The following CENPI variants were observed in gnomAD, a reference collection of about 807,000 sequenced individuals.
The protein encoded by CENPI is centromere protein I.
Under a neutral mutation model 60.4 loss-of-function variants are expected in CENPI, and 4 were observed. The observed-to-expected ratio is 0.07, with a 90% CI of 0.03 to 0.15. The LOEUF is 0.15. Among genes scored for constraint, CENPI ranks in the 10% least tolerant of loss-of-function variants. The probability of loss-of-function intolerance (pLI) is 1.00; values close to 1 mark genes in which losing one functional copy is unlikely to be tolerated. For synonymous variants in CENPI, 157 were observed against 189.4 expected (o/e 0.83, Z 1.40); for missense variants, 444 against 534.5 (o/e 0.83, Z 1.67).
intron 11 of CENPI, among the ~76,000 whole-genome samples, 167 bp downstream of exon 11, chrX:101,127,832 A>G (rs73553162): frequency 0.21 from 22,963 of 110,310 alleles, 1,885 homozygotes; most frequent in South Asian, 0.34. Context: ...GGCTTATGTG[A>G]TCCTCCCACC....
intron 15 of CENPI, among the ~76,000 whole-genome samples, chrX:101,137,601 G>A (rs7059563): frequency 0.018 from 2,018 of 111,536 alleles, 41 homozygotes; most frequent in African/African-American, 0.063. Context: ...AAAAAACATT[G>A]ATAGAATATG....
At chrX:101,175,301 T>C in the CENPI span, among the ~76,000 whole-genome samples, 1 of 112,328 alleles carries the variant, frequency 8.9e-6, no homozygotes, top group Non-Finnish European at 1.9e-5. Context: ...TCCTTTGCTG[T>C]GCAACAGCTT....
chrX:101,102,865 T>C (rs1211068584), intron 4 of CENPI, among the ~76,000 whole-genome samples: 2 of 104,681 alleles, frequency 1.9e-5, no homozygotes, highest in African/African-American at 7.0e-5. Flanking sequence ...ATTTTTTTTT[T>C]TTTTTTAGTA....
chrX:101,118,711 A>G (rs1255347697), intron 6 of CENPI, among the ~76,000 whole-genome samples: 5 of 112,210 alleles, frequency 4.5e-5, no homozygotes, highest in African/African-American at 1.6e-4. Flanking sequence ...CAGATTTCCT[A>G]TAATAATGGA....
chrX:101,119,273 A>T (rs1449757000), intron 6 of CENPI, among the ~76,000 whole-genome samples: 3 of 112,558 alleles, frequency 2.7e-5, no homozygotes, highest in Non-Finnish European at 5.6e-5. Flanking sequence ...CAGAAGAGGC[A>T]GTATGGAATA....
chrX:101,128,917 G>T (rs1309347690), intron 12 of CENPI, 81 bp downstream of exon 12: 5 of 788,086 alleles, frequency 6.3e-6, no homozygotes, highest in African/African-American at 2.0e-5. Context: ...GACAGCAGGA[G>T]CCTTCATATG....
At chrX:101,175,074 T>A in the CENPI span, among the ~76,000 whole-genome samples, 1 of 112,051 alleles carries the variant, frequency 8.9e-6, no homozygotes, top group Non-Finnish European at 1.9e-5. Flanking sequence ...GCCATTGCAC[T>A]CCAGCCTGGG....
At chrX:101,137,090 T>G (rs1047000837) in intron 15 of CENPI, among the ~76,000 whole-genome samples, 1 of 110,741 alleles carries the variant, frequency 9.0e-6, no homozygotes, top group Non-Finnish European at 1.9e-5. Context: ...TTTTTAAAGT[T>G]TTTGTAGAGA....
Position 101,128,791 on chromosome X carries a change from G to A in CENPI, c.1150G>A (p.Val384Ile), listed in dbSNP as rs764287774. 8.3e-7 allele frequency: 1 copy of A among 1,209,689 alleles called. No homozygotes were observed. Among genetic ancestry groups the A allele is most frequent in the Non-Finnish European group, 1.1e-6 (1 of 893,589 alleles). The part of the protein sequence containing the change: ...HYINCVRDEP[V>I]LLRFYYWLSQ... ...CATTAACTGTGTCAGAGATGAGCCAGTCTTGCTGAGGTTTTATTACTGGTT... is the reference window on the plus strand; with the variant it reads ...CATTAACTGTGTCAGAGATGAGCCAATCTTGCTGAGGTTTTATTACTGGTT... Residue 384 changes from valine to isoleucine, a missense_variant, in exon 12 of 22, where the codon GTC becomes ATC. Coordinates refer to ENST00000682095, the MANE Select transcript of CENPI (RefSeq NM_001386188.2).
chrX:101,158,339 G>T (rs772308436), intron 20 of CENPI, among the ~76,000 whole-genome samples: 1 of 97,695 alleles, frequency 1.0e-5, no homozygotes, highest in East Asian at 3.3e-4. Flanking sequence ...GTGCAATGGC[G>T]CAATCTCCGC....
intron 15 of CENPI, among the ~76,000 whole-genome samples, chrX:101,134,055 T>C (rs2089823387): frequency 8.9e-6 from 1 of 111,805 alleles, no homozygotes; most frequent in Non-Finnish European, 1.9e-5. Flanking sequence ...TTTGTTTGTT[T>C]TGCCTCTAAA....
chrX:101,157,902 G>A (rs76652234), intron 20 of CENPI, among the ~76,000 whole-genome samples: 82 of 110,381 alleles, frequency 7.4e-4, no homozygotes, highest in African/African-American at 2.5e-3. Context: ...AACTTATTCC[G>A]TCTATCTGAC....
intron 5 of CENPI, 148 bp downstream of exon 5, chrX:101,109,739 A>G (rs918130467): frequency 1.0e-4 from 60 of 578,382 alleles, no homozygotes; most frequent in Non-Finnish European, 1.4e-4. Flanking sequence ...ACTATGTTCA[A>G]ACAGAAATTT....
At position 101,128,767 on chromosome X, in the gene CENPI, A is replaced by G; in HGVS notation, c.1126A>G (p.Ile376Val). The G allele has an allele frequency of 8.3e-7, 1 of 1,208,063 alleles. No individual in the cohort carries two copies. Among genetic ancestry groups the G allele is most frequent in the African/African-American group, 1.7e-5 (1 of 57,797 alleles). Residue 376 changes from isoleucine to valine, a missense_variant, in exon 12 of 22, where the codon ATT becomes GTT. Physicochemically the swap from Ile to Val is conservative, Grantham distance 29. Transcript: ENST00000682095. ...AAACAACTCTCTGCTGCTTCACTAC[A>G]TTAACTGTGTCAGAGATGAGCCAGT... is the stretch of plus-strand genomic sequence containing the variant. ...VLNNSLLLHYINCVRDEPVLL... is the reference protein window; with the variant it reads ...VLNNSLLLHYVNCVRDEPVLL...
intron 15 of CENPI, among the ~76,000 whole-genome samples, chrX:101,138,342 ATT>A (rs1244802720): frequency 1.0e-5 from 1 of 96,605 alleles, no homozygotes; most frequent in East Asian, 3.3e-4. Context: ...GGAATTAAAG[ATT>A]TTTTTTTTTT....
chrX:101,148,258 G>A (rs2148237221), intron 20 of CENPI, 97 bp downstream of exon 20: 1 of 727,638 alleles, frequency 1.4e-6, no homozygotes, highest in South Asian at 2.5e-5. Context: ...ATTGTAAGAC[G>A]TGTGTTTAGT....
intron 20 of CENPI, among the ~76,000 whole-genome samples, chrX:101,159,272 C>T (rs2090083628): frequency 9.1e-6 from 1 of 109,972 alleles, no homozygotes; most frequent in Non-Finnish European, 1.9e-5. Context: ...CGCCATTCTC[C>T]TGCCTCAGCC....
downstream of CENPI, among the ~76,000 whole-genome samples, chrX:101,167,430 G>T (rs769151335): frequency 2.7e-5 from 3 of 111,067 alleles, no homozygotes; most frequent in African/African-American, 9.8e-5. Flanking sequence ...TGTTACCTCG[G>T]GTAATAAGGG....
chrX:101,173,662 A>C, the CENPI span, among the ~76,000 whole-genome samples: 9 of 111,275 alleles, frequency 8.1e-5, no homozygotes, highest in Admixed American at 7.7e-4. Flanking sequence ...AGAGACCATT[A>C]TGAACACCTC....
Sources: allele counts gnomAD v4.1 joint callset (sites outside exome capture counted in the v4.1 genomes callset), GRCh38; gene constraint gnomAD v4.1.1; transcripts MANE v1.5; gene names NCBI Gene and HGNC (gene_info 2026-07-23, HGNC 2026-07-21).